Variants in CNTNAP2 observed in about 807,000 individuals in gnomAD.
CNTNAP2 encodes contactin associated protein 2.
Under a neutral mutation model 155.2 loss-of-function variants are expected in CNTNAP2, and 98 were observed. The observed-to-expected ratio is 0.63, with a 90% CI of 0.54 to 0.75. CNTNAP2 has a LOEUF of 0.75. Among genes scored for constraint, CNTNAP2 ranks in the 30% least tolerant of loss-of-function variants. The probability of loss-of-function intolerance (pLI) is 0.00; values close to 1 mark genes in which losing one functional copy is unlikely to be tolerated. For synonymous variants in CNTNAP2, 651 were observed against 631.2 expected, an observed-to-expected ratio of 1.03 and a Z score of -0.47; for missense variants, 1,727 against 1,688.1, an observed-to-expected ratio of 1.02 and a Z score of -0.40.
At chr7:146,670,304 A>G (rs1290861708) in intron 1 of CNTNAP2, among the ~76,000 whole-genome samples, 1 of 152,148 alleles carries the variant, frequency 6.6e-6, no homozygotes, top group Non-Finnish European at 1.5e-5. Context: ...CTAAAGAAGC[A>G]ACTAAACGTT....
intron 9 of CNTNAP2, among the ~76,000 whole-genome samples, chr7:147,356,286 C>CA (rs1348266806): frequency 6.6e-6 from 1 of 152,014 alleles, no homozygotes; most frequent in Non-Finnish European, 1.5e-5. Context: ...GAAGGTATCT[C>CA]AAAATAATAC....
intron 18 of CNTNAP2, among the ~76,000 whole-genome samples, chr7:148,198,060 A>C (rs1258806850): frequency 6.6e-6 from 1 of 152,220 alleles, no homozygotes; most frequent in African/African-American, 2.4e-5. Flanking sequence ...GGAACTGGAA[A>C]GTGAGACTCC....
chr7:147,722,253 A>G (rs1398859699), intron 13 of CNTNAP2, among the ~76,000 whole-genome samples: 1 of 152,160 alleles, frequency 6.6e-6, no homozygotes. Flanking sequence ...AGTTTCTGAG[A>G]TCACAATTAA....
chr7:146,233,752 GA>G, intron 1 of CNTNAP2, among the ~76,000 whole-genome samples: 1 of 151,890 alleles, frequency 6.6e-6, no homozygotes, highest in Admixed American at 6.6e-5. Flanking sequence ...TACTGAGAAT[GA>G]TGATTTCCAA....
At chr7:146,798,025 G>C (rs1244611615) in intron 2 of CNTNAP2, among the ~76,000 whole-genome samples, 1 of 152,118 alleles carries the variant, frequency 6.6e-6, no homozygotes, top group African/African-American at 2.4e-5. Context: ...TGTAATCCCA[G>C]CACTTTGGGA....
chr7:147,525,111 G>T (rs1037643007), intron 11 of CNTNAP2, among the ~76,000 whole-genome samples: 1 of 152,208 alleles, frequency 6.6e-6, no homozygotes, highest in South Asian at 2.1e-4. Flanking sequence ...AATATCTCAA[G>T]AGACAATCTA....
chr7:146,815,299 G>A (rs1021601870), intron 2 of CNTNAP2, among the ~76,000 whole-genome samples: 1 of 152,166 alleles, frequency 6.6e-6, no homozygotes, highest in Non-Finnish European at 1.5e-5. Flanking sequence ...TATTTGTAAT[G>A]AAGACAAATA....
At chr7:148,360,998 G>A (rs928317946) in intron 21 of CNTNAP2, among the ~76,000 whole-genome samples, 10 of 151,872 alleles carry the variant, frequency 6.6e-5, no homozygotes, top group African/African-American at 1.9e-4. Flanking sequence ...TAGTAGAGAC[G>A]GGGTTTCACC....
chr7:147,060,757 T>C (rs376678695), intron 4 of CNTNAP2, among the ~76,000 whole-genome samples: 1 of 151,474 alleles, frequency 6.6e-6, no homozygotes, highest in Non-Finnish European at 1.5e-5. Flanking sequence ...CCAGCTACTC[T>C]GGAGGCTGAG....
Position 147,092,816 on chromosome 7 carries a change from G to A in CNTNAP2, c.551-15331G>A, listed in dbSNP as rs544659225. ...GTGGTTAGTGAATTTTAATAATTAG[G>A]TATATAAACCACAGTGTTTAGTTGC... On this transcript the variant is annotated intron_variant, in intron 4 of 23. Coordinates refer to ENST00000361727, the MANE Select transcript of CNTNAP2 (RefSeq NM_014141.6). Among the ~76,000 whole-genome samples the A allele has an allele frequency of 7.4e-4, 112 of 152,212 alleles. 2 individuals carry two copies. In the South Asian group the frequency reaches 0.01, roughly 14 times the overall value.
chr7:146,201,639 A>AGTGTGTGTGT (rs57595774), intron 1 of CNTNAP2, among the ~76,000 whole-genome samples: 2 of 146,788 alleles, frequency 1.4e-5, no homozygotes, highest in African/African-American at 5.0e-5. Context: ...ATGTCCCACG[A>AGTGTGTGTGT]GTGTGTGTGT....
In CNTNAP2 at chr7:147,851,745, C is replaced by T. The variant is rs946170858; in HGVS notation, c.2099-51820C>T. ...TGGACACAGGAAGGGGAACATCACA[C>T]ACCAAGGCCTGTCGTGGGGTGGGGG... On this transcript the variant is annotated intron_variant, in intron 13 of 23. Transcript: ENST00000361727. Among the ~76,000 whole-genome samples, 9 of 131,234 alleles carry T rather than the reference C, an allele frequency of 6.9e-5. No homozygotes were observed. In the East Asian group the frequency reaches 2.0e-3, roughly 29 times the overall value. The allele number at this position is 131,234 out of a possible 152,430, so 86.1% of individuals were successfully genotyped here.
intron 2 of CNTNAP2, among the ~76,000 whole-genome samples, chr7:146,819,176 G>T (rs1803229622): frequency 6.6e-6 from 1 of 151,938 alleles, no homozygotes; most frequent in Non-Finnish European, 1.5e-5. Flanking sequence ...AAATTTAAAA[G>T]TTTCCAGTTG....
intron 1 of CNTNAP2, among the ~76,000 whole-genome samples, chr7:146,398,334 G>A (rs750420300): frequency 6.6e-6 from 1 of 151,970 alleles, no homozygotes. Flanking sequence ...AGGGAAACAA[G>A]CATGTCCTTC....
intron 1 of CNTNAP2, among the ~76,000 whole-genome samples, chr7:146,364,786 C>A (rs2129101575): frequency 6.6e-6 from 1 of 152,262 alleles, no homozygotes; most frequent in African/African-American, 2.4e-5. Flanking sequence ...CAGTGTTCTG[C>A]TTTTTGGAAG....
At position 146,486,338 on chromosome 7, in the gene CNTNAP2, A is replaced by G. The variant is rs559714685; in HGVS notation, c.98-287933A>G. On this transcript the variant is annotated intron_variant, in intron 1 of 23. Transcript: ENST00000361727. ...CTCGGCCTCCCAAAGTGCTGGGATT[A>G]CAGGCGTGAGCAACAGCGCCCAGCC... 2.9e-3 allele frequency among the ~76,000 whole-genome samples: 438 copies of G among 152,176 alleles called. 3 individuals carry two copies. The highest frequency in any genetic ancestry group is 0.01 in the African/African-American group (422 of 41,510).
intron 8 of CNTNAP2, among the ~76,000 whole-genome samples, chr7:147,264,196 T>C (rs1352245069): frequency 9.9e-5 from 15 of 152,122 alleles, no homozygotes; most frequent in Non-Finnish European, 2.9e-5. Flanking sequence ...CAAAGAAAGA[T>C]ACAATTATGC....
intron 15 of CNTNAP2, among the ~76,000 whole-genome samples, chr7:148,114,949 T>A (rs1804434280): frequency 6.6e-6 from 1 of 152,028 alleles, no homozygotes; most frequent in African/African-American, 2.4e-5. Context: ...CAGAGTGGAG[T>A]CCTCCCTGTT....
intron 12 of CNTNAP2, among the ~76,000 whole-genome samples, chr7:147,603,677 C>T (rs940322902): frequency 6.6e-6 from 1 of 151,520 alleles, no homozygotes; most frequent in African/African-American, 2.4e-5. Flanking sequence ...ATGCCATCCC[C>T]ATCAAGCTAC....
Sources: gnomAD v4.1 joint callset for allele counts (sites outside exome capture counted in the v4.1 genomes callset) on GRCh38, gnomAD v4.1.1 for gene constraint, MANE v1.5 for transcripts, NCBI Gene and HGNC (gene_info 2026-07-23, HGNC 2026-07-21) for gene names.